TNRC6B: variants seen among roughly 807,000 people sequenced by gnomAD.
TNRC6B encodes trinucleotide repeat containing adaptor 6B.
TNRC6B carries 52 observed loss-of-function variants against 203.6 expected under a neutral mutation model. That is an observed-to-expected ratio of 0.26 (90% CI 0.20 to 0.32). TNRC6B has a LOEUF of 0.32. Among genes scored for constraint, TNRC6B ranks in the 10% least tolerant of loss-of-function variants. The pLI, the probability that TNRC6B is intolerant of heterozygous loss-of-function variation, is 1.00. For synonymous variants in TNRC6B, 838 were observed against 845.7 expected, an observed-to-expected ratio of 0.99 and a Z score of 0.16; for missense variants, 1,923 against 2,286.2, an observed-to-expected ratio of 0.84 and a Z score of 3.24.
chr22:40,150,371 C>G (rs1002148077), intron 3 of TNRC6B, among the ~76,000 whole-genome samples: 1 of 152,004 alleles, frequency 6.6e-6, no homozygotes, highest in African/African-American at 2.4e-5. Flanking sequence ...GAGCGAGACT[C>G]CATCTCAAAA....
chr22:40,180,070 G>C (rs1414450737), intron 1 of TNRC6B, among the ~76,000 whole-genome samples: 1 of 152,170 alleles, frequency 6.6e-6, no homozygotes, highest in Non-Finnish European at 1.5e-5. Context: ...TAAAGAGGTA[G>C]TCTGGAACAA....
At chr22:40,154,931 A>T (rs1241313627) in intron 3 of TNRC6B, among the ~76,000 whole-genome samples, 3 of 127,330 alleles carry the variant, frequency 2.4e-5, no homozygotes, top group Admixed American at 8.0e-5. Context: ...TTTGCTCTAA[A>T]ATATATATAT....
At chr22:40,073,382 A>G (rs1453753709) in intron 1 of TNRC6B, among the ~76,000 whole-genome samples, 1 of 152,126 alleles carries the variant, frequency 6.6e-6, no homozygotes, top group Non-Finnish European at 1.5e-5. Context: ...TGCATTAAAC[A>G]GGAGCTTTTC....
chr22:40,135,039 G>C (rs1014363691), intron 3 of TNRC6B, among the ~76,000 whole-genome samples: 2 of 152,246 alleles, frequency 1.3e-5, no homozygotes, highest in Admixed American at 6.5e-5. Context: ...ATGGCTGGCA[G>C]TTGGTATTGG....
At chr22:40,192,737 C>T (rs931355737) in intron 1 of TNRC6B, among the ~76,000 whole-genome samples, 10 of 152,072 alleles carry the variant, frequency 6.6e-5, no homozygotes, top group African/African-American at 2.4e-4. Flanking sequence ...GGGATGATGC[C>T]ACAAATTGGG....
At chr22:40,295,214 G>T (rs1370802406) in intron 12 of TNRC6B, among the ~76,000 whole-genome samples, 1 of 152,158 alleles carries the variant, frequency 6.6e-6, no homozygotes, top group African/African-American at 2.4e-5. Context: ...GGTGGCTCAC[G>T]CCTGTAATCC....
chr22:40,233,890 G>A (rs963684980), intron 1 of TNRC6B, among the ~76,000 whole-genome samples: 13 of 152,188 alleles, frequency 8.5e-5, no homozygotes, highest in African/African-American at 3.1e-4. Context: ...CCAGCTGGCA[G>A]TTGTTCTTGC....
intron 1 of TNRC6B, among the ~76,000 whole-genome samples, chr22:40,062,839 TTATATATC>T (rs1190103853): frequency 6.6e-6 from 1 of 152,246 alleles, no homozygotes; most frequent in Non-Finnish European, 1.5e-5. Context: ...TAATATTTCT[TTATATATC>T]TAGATATAAA....
chr22:40,168,970 A>G lies in TNRC6B; in HGVS notation c.113+12788A>G, dbSNP rs187962560. 4.6e-5 allele frequency among the ~76,000 whole-genome samples: 7 copies of G among 152,158 alleles called. No individual in the cohort carries two copies. In the East Asian group the frequency reaches 1.4e-3, roughly 29 times the overall value. ...TTTGATACTTTGCTATATTTTAATTATGGATTTACATGCCTGTCTTTCCTT... is the reference window on the plus strand; with the variant it reads ...TTTGATACTTTGCTATATTTTAATTGTGGATTTACATGCCTGTCTTTCCTT... On this transcript the variant is annotated intron_variant, in intron 4 of 23. Coordinates refer to the TNRC6B transcript ENST00000301923.
chr22:40,284,103 G>C (rs2070753773), intron 11 of TNRC6B, among the ~76,000 whole-genome samples: 1 of 152,188 alleles, frequency 6.6e-6, no homozygotes, highest in South Asian at 2.1e-4. Flanking sequence ...GCTGTGTGTT[G>C]GTAAGACAGC....
At chr22:40,129,842 C>CT (rs1482517017) in intron 3 of TNRC6B, among the ~76,000 whole-genome samples, 1 of 152,118 alleles carries the variant, frequency 6.6e-6, no homozygotes, top group African/African-American at 2.4e-5. Flanking sequence ...ATGTTGGCAA[C>CT]TATTGAAGTG....
At chr22:40,291,398 A>G (rs1474373141) in intron 12 of TNRC6B, among the ~76,000 whole-genome samples, 1 of 152,164 alleles carries the variant, frequency 6.6e-6, no homozygotes, top group Non-Finnish European at 1.5e-5. Context: ...AAAAAATGAA[A>G]AAGACAAGAT....
In TNRC6B at chr22:40,256,647, C is replaced by CA. The variant is rs1234161136; in HGVS notation, c.116-5183dup. Reference sequence around the variant, plus strand: ...CATTGTCTATGGTGCTTTGGCCCCACAAGTGCAGAGTTGAGTTGTTGTGAT... The same window carrying CA: ...CATTGTCTATGGTGCTTTGGCCCCACAAAGTGCAGAGTTGAGTTGTTGTGAT... On this transcript the variant is annotated intron_variant, in intron 3 of 22. Transcript: ENST00000454349. Among the ~76,000 whole-genome samples, 10 of 152,184 alleles carry CA rather than the reference C, an allele frequency of 6.6e-5. No homozygotes were observed. In the East Asian group the frequency reaches 1.9e-3, roughly 29 times the overall value.
intron 4 of TNRC6B, among the ~76,000 whole-genome samples, chr22:40,161,497 C>T (rs928878807): frequency 6.6e-6 from 1 of 152,102 alleles, no homozygotes; most frequent in African/African-American, 2.4e-5. Context: ...ACGTTTTGAC[C>T]ATAGGTTCCC....
intron 2 of TNRC6B, among the ~76,000 whole-genome samples, chr22:40,124,443 C>G (rs1338915435): frequency 6.6e-6 from 1 of 151,854 alleles, no homozygotes; most frequent in Non-Finnish European, 1.5e-5. Flanking sequence ...CCACCTCAGC[C>G]TCTCAAGTAG....
rs759970723 is a variant in TNRC6B at position 40,310,999 on chromosome 22, G to T, written c.4435+6G>T. 1.5e-5 allele frequency: 24 copies of T among 1,602,086 alleles called. No individual in the cohort carries two copies. Among genetic ancestry groups the T allele is most frequent in the Non-Finnish European group, 2.0e-5 (24 of 1,175,024 alleles). On this transcript the variant is annotated splice_donor_region_variant and intron_variant, in intron 17 of 22. Transcript: ENST00000454349. ...CAATGCCAGTTGGCCTCCAGGTATTGTCTAGGAAATGCTTTTCCCAGGATA... is the reference window on the plus strand; with the variant it reads ...CAATGCCAGTTGGCCTCCAGGTATTTTCTAGGAAATGCTTTTCCCAGGATA...
Position 40,177,965 on chromosome 22 carries a change from T to G in TNRC6B, c.-171T>G. On this transcript the variant is annotated 5_prime_UTR_variant, in exon 1 of 23. Coordinates refer to ENST00000454349, the MANE Select transcript of TNRC6B (RefSeq NM_001162501.2). ...GAGAGAGAGCAAGAGGGAGAGTGTG[T>G]GAGAGAGAGTTAGTTCAAGCCAAAA... 6.9e-7 allele frequency: 1 copy of G among 1,452,910 alleles called. No homozygotes were observed. Among genetic ancestry groups the G allele is most frequent in the Non-Finnish European group, 9.0e-7 (1 of 1,109,588 alleles). The allele number at this position is 1,452,910 out of a possible 1,614,324, so 90.0% of individuals were successfully genotyped here. A position where few individuals can be genotyped will look rare whatever the true frequency, so the allele number is the denominator to read the frequency against.
intron 21 of TNRC6B, among the ~76,000 whole-genome samples, chr22:40,317,784 C>A (rs1202705086): frequency 6.6e-6 from 1 of 152,200 alleles, no homozygotes; most frequent in Non-Finnish European, 1.5e-5. Flanking sequence ...ATGTTGAGCA[C>A]CTGAACGAGG....
rs985004759 is a variant in TNRC6B at position 40,273,469 on chromosome 22, G to C, written c.3010G>C (p.Val1004Leu). 7 of 1,610,338 alleles carry C rather than the reference G, an allele frequency of 4.3e-6. No individual in the cohort carries two copies. The highest frequency in any genetic ancestry group is 5.9e-6 in the Non-Finnish European group (7 of 1,178,330). ...QDGWGESDGPVTGARHPSWEE... is the reference protein window; with the variant it reads ...QDGWGESDGPLTGARHPSWEE... ...CGGCTGGGGGGAGAGTGACGGGCCA[G>C]TCACAGGAGCTCGCCATCCCAGCTG... The change falls in exon 7 of 23, where the codon GTC becomes CTC. Residue 1004 changes from valine (V) to leucine (L), a missense_variant. Transcript: ENST00000454349.
Sources: allele counts gnomAD v4.1 joint callset (sites outside exome capture counted in the v4.1 genomes callset), GRCh38; gene constraint gnomAD v4.1.1; transcripts MANE v1.5; gene names NCBI Gene and HGNC (gene_info 2026-07-23, HGNC 2026-07-21).